Variants in MBOAT7 observed in about 807,000 individuals in gnomAD.
MBOAT7 encodes the protein membrane bound acylglycerophosphatidylinositol O-acyltransferase MBOAT7.
A neutral mutation model predicts 47.4 loss-of-function variants in MBOAT7; 40 were observed. That is an observed-to-expected ratio of 0.84 (90% CI 0.66 to 1.10). The LOEUF (loss-of-function observed/expected upper bound fraction) is 1.10. Among genes scored for constraint, MBOAT7 ranks in the 50% least tolerant of loss-of-function variants. The pLI, the probability that MBOAT7 is intolerant of heterozygous loss-of-function variation, is 0.00. For synonymous variants in MBOAT7, 361 were observed against 292.0 expected (o/e 1.24, Z -2.41); for missense variants, 680 against 655.6 (o/e 1.04, Z -0.41).
chr19:54,178,654 C>T (rs1600642281), intron 7 of MBOAT7, 111 bp downstream of exon 7: 4 of 1,480,146 alleles, frequency 2.7e-6, no homozygotes, highest in Non-Finnish European at 3.6e-6. Context: ...AACTACAATT[C>T]CCATGAGCCT....
chr19:54,187,446 C>T lies in MBOAT7; in HGVS notation c.207-159G>A, dbSNP rs373434576. On this transcript the variant is annotated intron_variant, in intron 3 of 7. Coordinates refer to ENST00000245615, the MANE Select transcript of MBOAT7 (RefSeq NM_024298.5). Reference sequence around the variant, plus strand: ...AGGACAGGAGGGTGGATGTAGGGACCGAATGAGTATGATTGAAACAGTGGG... The same window carrying T: ...AGGACAGGAGGGTGGATGTAGGGACTGAATGAGTATGATTGAAACAGTGGG... 72 of 833,846 alleles carry T rather than the reference C, an allele frequency of 8.6e-5. No individual in the cohort carries two copies. In the East Asian group the frequency reaches 1.5e-3, roughly 18 times the overall value. 51.7% of individuals were successfully genotyped at this position (833,846 alleles called of 1,614,324 possible). A position where few individuals can be genotyped will look rare whatever the true frequency, so the allele number is the denominator to read the frequency against.
chr19:54,183,045 A>G (rs984747042), intron 5 of MBOAT7, among the ~76,000 whole-genome samples: 1 of 152,190 alleles, frequency 6.6e-6, no homozygotes, highest in African/African-American at 2.4e-5. Flanking sequence ...AAGGTTTAAA[A>G]TAAAGGGACG....
In MBOAT7 at chr19:54,180,984, C is replaced by T. The variant is rs1482214272; in HGVS notation, c.643G>A (p.Glu215Lys). The T allele has an allele frequency of 2.6e-6, 4 of 1,565,978 alleles. No individual in the cohort carries two copies. Among genetic ancestry groups the T allele is most frequent in the African/African-American group, 1.3e-5 (1 of 74,394 alleles). ...TAGAAGGCGTCCTCGCGCACGGCCT[C>T]CAGCGGGAAGAGGTGAGAGGAGAGC... Reference protein sequence around the residue: ...FLLSSHLFPLEAVREDAFYAR... With the variant: ...FLLSSHLFPLKAVREDAFYAR... The change falls in exon 6 of 8, where the codon GAG becomes AAG. Residue 215 changes from glutamate to lysine, a missense_variant. Coordinates refer to ENST00000245615, the MANE Select transcript of MBOAT7 (RefSeq NM_024298.5). This position sits in a 1 kb window ranked among gnomAD's most constrained non-coding sequence, Gnocchi z 5.2.
chr19:54,173,944 C>G lies in MBOAT7; in HGVS notation c.*100G>C. 1 of 1,385,844 alleles carries G rather than the reference C, an allele frequency of 7.2e-7. No homozygotes were observed. Among genetic ancestry groups the G allele is most frequent in the African/African-American group, 1.5e-5 (1 of 68,048 alleles). The allele number at this position is 1,385,844 out of a possible 1,614,324, so 85.8% of individuals were successfully genotyped here. A position where few individuals can be genotyped will look rare whatever the true frequency, so the allele number is the denominator to read the frequency against. The stretch of plus-strand genomic sequence containing the variant: ...TTAGCTGGGGAAGAGGAAATTCTCT[C>G]CAGGACCCTCTCCAAGGTAAGGACT... On this transcript the variant is annotated 3_prime_UTR_variant, in exon 8 of 8. Transcript: ENST00000245615.
Position 54,188,630 on chromosome 19 carries a change from A to C in MBOAT7, c.-3-119T>G, listed in dbSNP as rs564690307. 3.2e-6 allele frequency: 3 copies of C among 924,384 alleles called. No individual in the cohort carries two copies. The East Asian group carries it at 8.0e-5, about 25-fold the overall frequency. 57.3% of individuals were successfully genotyped at this position (924,384 alleles called of 1,614,324 possible). ...CCCCAGTTTTTGAGGATGATGGAGT[A>C]TGAGCCTCAGCTCCTCTCCTTTGAG... is the stretch of plus-strand genomic sequence containing the variant. On this transcript the variant is annotated intron_variant, in intron 1 of 7. Transcript: ENST00000245615.
In MBOAT7 at chr19:54,182,021, GGGAGGGAAGGAA is replaced by G. The variant is rs1273947530; in HGVS notation, c.494-900_494-889del. Among the ~76,000 whole-genome samples the G allele has an allele frequency of 2.2e-4, 30 of 134,768 alleles. No homozygotes were observed. The East Asian group carries it at 3.1e-3, about 14-fold the overall frequency. The allele number at this position is 134,768 out of a possible 152,430, so 88.4% of individuals were successfully genotyped here. On this transcript the variant is annotated intron_variant, in intron 5 of 7. Coordinates refer to ENST00000245615, the MANE Select transcript of MBOAT7 (RefSeq NM_024298.5). ...AGGGAGGGAAGGAGGGAAGGAAGGA[GGGAGGGAAGGAA>G]GGAGGGAAGGAAGGAAGAAGGGAAA...
At position 54,188,521 on chromosome 19, in the gene MBOAT7, G is replaced by A. The variant is rs1015031107; in HGVS notation, c.-3-10C>T. ...CTTCAGGCGACATGGTCTGGGGGAG[G>A]GGCAGAGATTCACAGTGAGAACCCA... On this transcript the variant is annotated splice_polypyrimidine_tract_variant and intron_variant, in intron 1 of 7. Transcript: ENST00000245615. The A allele has an allele frequency of 3.9e-6, 6 of 1,551,266 alleles. No individual in the cohort carries two copies. The highest frequency in any genetic ancestry group is 2.0e-5 in the Admixed American group (1 of 50,880).
Position 54,178,797 on chromosome 19 carries a change from GTAGA to G in MBOAT7, c.995_998del (p.Ile332ThrfsTer19). The G allele has an allele frequency of 6.2e-7, 1 of 1,613,416 alleles. No homozygotes were observed. ...CATAGGAACGGGCAGGTGCGCTCTT[GTAGA>G]TATACTGCGCCAGCCACCACTGCAC... is the stretch of plus-strand genomic sequence containing the variant. On this transcript the variant is annotated frameshift_variant, in exon 7 of 8. Transcript: ENST00000245615. LOFTEE classifies it high-confidence loss of function.
intron 7 of MBOAT7, 35 bp from the exon 8 acceptor site, chr19:54,174,466 C>T: frequency 6.7e-7 from 1 of 1,485,088 alleles, no homozygotes; most frequent in Non-Finnish European, 8.9e-7. Flanking sequence ...ACCTACGAGT[C>T]CAGGTCCCCA....
intron 2 of MBOAT7, 43 bp downstream of exon 2, chr19:54,188,390 G>A: frequency 6.3e-7 from 1 of 1,595,348 alleles, no homozygotes; most frequent in Non-Finnish European, 8.5e-7. Context: ...CTTCCAGAGG[G>A]TCCCCCCCCT....
chr19:54,176,069 A>C (rs1001175615), intron 7 of MBOAT7, among the ~76,000 whole-genome samples: 39 of 151,984 alleles, frequency 2.6e-4, no homozygotes, highest in African/African-American at 9.2e-4. Context: ...GTTGGCCAGG[A>C]TGGTCTCGAT....
intron 4 of MBOAT7, 107 bp downstream of exon 4, chr19:54,187,054 G>A (rs2076446055): frequency 7.5e-7 from 1 of 1,333,542 alleles, no homozygotes; most frequent in Non-Finnish European, 1.0e-6. Flanking sequence ...CCACCCCCAG[G>A]GTGTGTTGGA....
chr19:54,180,458 C>G lies in MBOAT7; in HGVS notation c.854+315G>C. On this transcript the variant is annotated intron_variant, in intron 6 of 7. Coordinates refer to ENST00000245615, the MANE Select transcript of MBOAT7 (RefSeq NM_024298.5). The surrounding 1 kb of genome is among the most constrained non-coding windows in gnomAD (Gnocchi z 5.2). ...CCCAGCAAGCAGGAACAATCTGGTT[C>G]TGGGGGGTGACACTTCTGTGGCAAC... is the stretch of plus-strand genomic sequence containing the variant. The G allele has an allele frequency of 3.8e-6, 1 of 265,120 alleles. No individual in the cohort carries two copies. Among genetic ancestry groups the G allele is most frequent in the Non-Finnish European group, 7.2e-6 (1 of 139,438 alleles). The allele number at this position is 265,120 out of a possible 1,614,324, so 16.4% of individuals were successfully genotyped here.
chr19:54,178,056 G>A (rs750174176), intron 7 of MBOAT7, among the ~76,000 whole-genome samples: 2 of 151,556 alleles, frequency 1.3e-5, no homozygotes, highest in East Asian at 1.9e-4. Context: ...GACTACAGGC[G>A]CCCACCACCA....
At position 54,181,052 on chromosome 19, in the gene MBOAT7, A is replaced by G. The variant is rs1179193309; in HGVS notation, c.575T>C (p.Leu192Pro). 1 of 1,544,204 alleles carries G rather than the reference A, an allele frequency of 6.5e-7. No homozygotes were observed. The highest frequency in any genetic ancestry group is 2.4e-5 in the East Asian group (1 of 41,008). ...PGAVPSLRPL[L>P]RRAWPAPLFG... Reference sequence around the variant, plus strand: ...GAGCGGGGCCGGCCAGGCGCGGCGCAGCAGGGGCCGCAGGCTGGGCACTGC... The same window carrying G: ...GAGCGGGGCCGGCCAGGCGCGGCGCGGCAGGGGCCGCAGGCTGGGCACTGC... Residue 192 changes from leucine to proline, a missense_variant, in exon 6 of 8, where the codon CTG becomes CCG. Transcript: ENST00000245615.
chr19:54,176,711 T>C lies in MBOAT7; in HGVS notation c.1031+2054A>G, dbSNP rs148387904. Among the ~76,000 whole-genome samples the C allele has an allele frequency of 4.1e-3, 623 of 152,228 alleles. 3 individuals carry two copies. Among genetic ancestry groups the C allele is most frequent in the African/African-American group, 0.014 (593 of 41,528 alleles). On this transcript the variant is annotated intron_variant, in intron 7 of 7. Transcript: ENST00000245615. ...TGCCCCCAGTTGAGAAGCACTTGTCTAAACACTGGGGTGCTTTGACCTGGC... is the reference window on the plus strand; with the variant it reads ...TGCCCCCAGTTGAGAAGCACTTGTCCAAACACTGGGGTGCTTTGACCTGGC...
chr19:54,187,047 C>A, intron 4 of MBOAT7, 114 bp downstream of exon 4: 1 of 1,335,434 alleles, frequency 7.5e-7, no homozygotes, highest in Non-Finnish European at 1.0e-6. Flanking sequence ...TGACGTCCCA[C>A]CCCCAGGGTG....
At chr19:54,187,091 G>T in intron 4 of MBOAT7, 70 bp downstream of exon 4, 3 of 1,495,188 alleles carry the variant, frequency 2.0e-6, no homozygotes, top group Middle Eastern at 2.2e-4. Context: ...GCCACTGAAG[G>T]GGGAGGTAAA....
In MBOAT7 at chr19:54,180,815, C is replaced by G. The variant is rs755319900; in HGVS notation, c.812G>C (p.Arg271Pro). ...TTGGAGGGTGGGGCCGCCTCCGGCC[C>G]GGGCTTTGGCGGCCACGGGGTAGGC... ...FGAYPVAAKARAGGGPTLQCP... is the reference protein window; with the variant it reads ...FGAYPVAAKAPAGGGPTLQCP... Residue 271 changes from arginine to proline, a missense_variant, in exon 6 of 8, where the codon CGG (arginine) becomes CCG (proline). By Grantham distance (103) the Arg-to-Pro change is moderately radical. Transcript: ENST00000245615. The surrounding 1 kb of genome is among the most constrained non-coding windows in gnomAD (Gnocchi z 5.2). The G allele has an allele frequency of 3.8e-6, 6 of 1,563,964 alleles. No individual in the cohort carries two copies. Among genetic ancestry groups the G allele is most frequent in the Non-Finnish European group, 5.2e-6 (6 of 1,159,180 alleles).
Sources: gnomAD v4.1 joint callset for allele counts (sites outside exome capture counted in the v4.1 genomes callset) on GRCh38, gnomAD v4.1.1 for gene constraint, Gnocchi (gnomAD v3.1) non-coding constraint, MANE v1.5 for transcripts, NCBI Gene and HGNC (gene_info 2026-07-23, HGNC 2026-07-21) for gene names.